WWOX: variants seen among roughly 807,000 people sequenced by gnomAD.
WWOX encodes the protein WW domain containing oxidoreductase.
WWOX carries 69 observed loss-of-function variants against 46.2 expected under a neutral mutation model. That is an observed-to-expected ratio of 1.49 (90% CI 1.23 to 1.82). The LOEUF is 1.82. WWOX is among the 40% of genes most tolerant of loss of function. The probability of loss-of-function intolerance (pLI) is 0.00; values close to 1 mark genes in which losing one functional copy is unlikely to be tolerated. For synonymous variants in WWOX, 359 were observed against 202.6 expected (o/e 1.77, Z -6.56); for missense variants, 919 against 542.6 (o/e 1.69, Z -6.89).
At chr16:78,512,659 T>A (rs914655722) in intron 8 of WWOX, among the ~76,000 whole-genome samples, 7 of 152,216 alleles carry the variant, frequency 4.6e-5, no homozygotes, top group Non-Finnish European at 7.3e-5. Context: ...GGGTGGGACT[T>A]CAATGAGACT....
chr16:78,590,162 CTG>C (rs1491186889), intron 8 of WWOX, among the ~76,000 whole-genome samples: 1 of 150,282 alleles, frequency 6.7e-6, no homozygotes, highest in Non-Finnish European at 1.5e-5. Context: ...CTCTCTCTCT[CTG>C]TTTATTATAG....
At position 78,565,522 on chromosome 16, in the gene WWOX, C is replaced by T. The variant is rs186928619; in HGVS notation, c.1056+132770C>T. 3.9e-5 allele frequency among the ~76,000 whole-genome samples: 6 copies of T among 152,320 alleles called. No homozygotes were observed. In the East Asian group the frequency reaches 1.2e-3, roughly 29 times the overall value. ...CATTCTCCTCATCTGGCCCTCTGGCCACTCTCTTATAAGGACCCTTTTGAT... is the reference window on the plus strand; with the variant it reads ...CATTCTCCTCATCTGGCCCTCTGGCTACTCTCTTATAAGGACCCTTTTGAT... On this transcript the variant is annotated intron_variant, in intron 8 of 8. Coordinates refer to ENST00000566780, the MANE Select transcript of WWOX (RefSeq NM_016373.4).
chr16:78,984,704 C>T (rs957246667), intron 8 of WWOX, among the ~76,000 whole-genome samples: 1 of 152,196 alleles, frequency 6.6e-6, no homozygotes, highest in African/African-American at 2.4e-5. Flanking sequence ...TCCTGTGAAT[C>T]TTCATACTTT....
rs139876396 is a variant in WWOX at position 78,724,843 on chromosome 16, C to G, written c.1056+292091C>G. Reference sequence around the variant, plus strand: ...TTTTCAGACATATCTCCATCTGATTCTTACCTCTAAGAGTTCCTCAAGGGC... The same window carrying G: ...TTTTCAGACATATCTCCATCTGATTGTTACCTCTAAGAGTTCCTCAAGGGC... On this transcript the variant is annotated intron_variant, in intron 8 of 8. Transcript: ENST00000566780. Among the ~76,000 whole-genome samples the G allele has an allele frequency of 3.1e-4, 47 of 152,300 alleles. 1 individual carries two copies. In the East Asian group the frequency reaches 8.5e-3, roughly 28 times the overall value.
At chr16:78,154,325 T>A (rs906562251) in intron 4 of WWOX, among the ~76,000 whole-genome samples, 1 of 152,048 alleles carries the variant, frequency 6.6e-6, no homozygotes, top group African/African-American at 2.4e-5. Context: ...ATGGATAAAA[T>A]AATAATATGA....
chr16:79,015,087 G>C (rs1383780089), intron 8 of WWOX, among the ~76,000 whole-genome samples: 1 of 152,152 alleles, frequency 6.6e-6, no homozygotes, highest in Non-Finnish European at 1.5e-5. Flanking sequence ...TTTCAAATTT[G>C]GATGTGTCGG....
chr16:79,083,832 A>G (rs778149993), intron 8 of WWOX, among the ~76,000 whole-genome samples: 2 of 151,652 alleles, frequency 1.3e-5, no homozygotes, highest in Non-Finnish European at 2.9e-5. Flanking sequence ...TGTATAGGAG[A>G]CTCTTTTGCC....
chr16:78,389,310 C>T (rs73569055), intron 6 of WWOX, among the ~76,000 whole-genome samples: 23 of 152,328 alleles, frequency 1.5e-4, no homozygotes, highest in African/African-American at 5.5e-4. Flanking sequence ...ACTTCACACA[C>T]ATTTCAGGAG....
At chr16:78,407,835 G>C (rs749549881) in intron 6 of WWOX, among the ~76,000 whole-genome samples, 1 of 152,156 alleles carries the variant, frequency 6.6e-6, no homozygotes, top group Non-Finnish European at 1.5e-5. Flanking sequence ...ACCACATCTT[G>C]AGTCTGGGCA....
intron 4 of WWOX, among the ~76,000 whole-genome samples, chr16:78,116,924 T>C (rs1430237923): frequency 6.6e-6 from 1 of 152,234 alleles, no homozygotes; most frequent in African/African-American, 2.4e-5. Flanking sequence ...TAGCAGACTC[T>C]TGAATAGAGC....
intron 8 of WWOX, among the ~76,000 whole-genome samples, chr16:79,155,931 A>T (rs1034234077): frequency 6.6e-6 from 1 of 151,840 alleles, no homozygotes; most frequent in African/African-American, 2.4e-5. Context: ...CTCTCTGTTG[A>T]TTTCTAAACA....
At chr16:79,106,063 G>A (rs775229818) in intron 8 of WWOX, 5 of 152,086 alleles carry the variant, frequency 3.3e-5, no homozygotes, top group Non-Finnish European at 5.9e-5. Context: ...TAATAAGTTC[G>A]AAGCCAAGTT....
intron 8 of WWOX, among the ~76,000 whole-genome samples, chr16:79,003,699 C>A (rs1040922033): frequency 3.1e-4 from 47 of 152,138 alleles, no homozygotes; most frequent in African/African-American, 1.1e-3. Context: ...TGCTCCAGCA[C>A]CGTGGTCTCA....
At chr16:78,961,246 A>G (rs1177245490) in intron 8 of WWOX, among the ~76,000 whole-genome samples, 1 of 152,186 alleles carries the variant, frequency 6.6e-6, no homozygotes, top group Admixed American at 6.5e-5. Flanking sequence ...AATGAGGGAA[A>G]TTACTGTAAG....
At chr16:78,150,885 GT>G (rs552096985) in intron 4 of WWOX, among the ~76,000 whole-genome samples, 21 of 151,570 alleles carry the variant, frequency 1.4e-4, no homozygotes, top group Admixed American at 4.6e-4. Context: ...AAAGGTTTTT[GT>G]TTTTTTAGAC....
intron 8 of WWOX, among the ~76,000 whole-genome samples, chr16:78,540,739 T>A (rs12443673): frequency 0.015 from 2,248 of 152,128 alleles, 22 homozygotes; most frequent in African/African-American, 0.028. Flanking sequence ...CCGGCTGCAG[T>A]GCAGTGACAT....
At chr16:78,603,064 C>A (rs1008972005) in intron 8 of WWOX, among the ~76,000 whole-genome samples, 1 of 152,224 alleles carries the variant, frequency 6.6e-6, no homozygotes, top group Non-Finnish European at 1.5e-5. Context: ...AGGTGGAGTA[C>A]TAACTGCAAT....
chr16:78,861,222 A>G (rs2043878682), intron 8 of WWOX, among the ~76,000 whole-genome samples: 1 of 152,178 alleles, frequency 6.6e-6, no homozygotes, highest in Non-Finnish European at 1.5e-5. Context: ...TGAATAAAAT[A>G]AAAGACTGAG....
intron 8 of WWOX, among the ~76,000 whole-genome samples, chr16:78,966,981 C>T (rs1445268066): frequency 1.3e-5 from 2 of 152,162 alleles, no homozygotes; most frequent in Non-Finnish European, 2.9e-5. Flanking sequence ...TTCTTATTAA[C>T]ATTTATTATT....
Sources: allele counts gnomAD v4.1 joint callset (sites outside exome capture counted in the v4.1 genomes callset), GRCh38; gene constraint gnomAD v4.1.1; transcripts MANE v1.5; gene names NCBI Gene and HGNC (gene_info 2026-07-23, HGNC 2026-07-21).